Variants in ZFYVE9 observed in about 807,000 individuals in gnomAD.
The protein encoded by ZFYVE9 is zinc finger FYVE-type containing 9.
Under a neutral mutation model 126.7 loss-of-function variants are expected in ZFYVE9, and 43 were observed. The ratio of observed to expected loss-of-function variants is 0.34; its 90% CI spans 0.27 to 0.44. The LOEUF is 0.44. Among genes scored for constraint, ZFYVE9 ranks in the 20% least tolerant of loss-of-function variants. The pLI, the probability that ZFYVE9 is intolerant of heterozygous loss-of-function variation, is 1.00. For synonymous variants in ZFYVE9, 521 were observed against 597.4 expected (o/e 0.87, Z 1.87); for missense variants, 1,476 against 1,697.0 (o/e 0.87, Z 2.29).
intron 1 of ZFYVE9, among the ~76,000 whole-genome samples, chr1:52,189,278 C>T (rs1450836225): frequency 6.6e-6 from 1 of 150,992 alleles, no homozygotes; most frequent in Non-Finnish European, 1.5e-5. Flanking sequence ...ACTCTGTTAC[C>T]CAGGCTGGAG....
intron 13 of ZFYVE9, among the ~76,000 whole-genome samples, chr1:52,316,637 C>G (rs1394131416): frequency 6.6e-6 from 1 of 151,982 alleles, no homozygotes; most frequent in Non-Finnish European, 1.5e-5. Flanking sequence ...ATCAATTTAT[C>G]AAAATGATAC....
intron 2 of ZFYVE9, among the ~76,000 whole-genome samples, chr1:52,218,143 G>C (rs1319412367): frequency 6.6e-6 from 1 of 152,150 alleles, no homozygotes; most frequent in Non-Finnish European, 1.5e-5. Context: ...ATTTATTGGG[G>C]CTTCTTTTTT....
intron 1 of ZFYVE9, among the ~76,000 whole-genome samples, chr1:52,192,045 T>A (rs1048867816): frequency 1.4e-5 from 2 of 145,966 alleles, no homozygotes; most frequent in African/African-American, 5.0e-5. Flanking sequence ...TTTTTTTTTC[T>A]AGAACAAGCA....
chr1:52,329,746 A>T (rs1329778583), intron 13 of ZFYVE9, among the ~76,000 whole-genome samples: 1 of 152,102 alleles, frequency 6.6e-6, no homozygotes. Context: ...TCTACTAAAA[A>T]TACAAAAAAT....
At chr1:52,327,995 C>T (rs1390516339) in intron 13 of ZFYVE9, among the ~76,000 whole-genome samples, 2 of 151,396 alleles carry the variant, frequency 1.3e-5, no homozygotes, top group African/African-American at 4.9e-5. Context: ...AAAAAAAACC[C>T]AAAAAGAAAA....
At chr1:52,203,753 A>C (rs1644947695) in intron 1 of ZFYVE9, among the ~76,000 whole-genome samples, 1 of 151,350 alleles carries the variant, frequency 6.6e-6, no homozygotes, top group Non-Finnish European at 1.5e-5. Context: ...TATTATTATT[A>C]TTATTATTTC....
intron 4 of ZFYVE9, among the ~76,000 whole-genome samples, chr1:52,246,559 T>C (rs1645386294): frequency 6.7e-6 from 1 of 150,180 alleles, no homozygotes; most frequent in South Asian, 2.1e-4. Flanking sequence ...TGAGACAAAC[T>C]CTTGGTCTGT....
chr1:52,216,908 GA>G (rs1451506726), intron 2 of ZFYVE9, among the ~76,000 whole-genome samples: 5 of 152,048 alleles, frequency 3.3e-5, no homozygotes, highest in Non-Finnish European at 5.9e-5. Flanking sequence ...ATTTCCAGCA[GA>G]AAACTGGAAG....
chr1:52,214,475 A>G (rs1257337654), intron 1 of ZFYVE9, among the ~76,000 whole-genome samples: 1 of 152,088 alleles, frequency 6.6e-6, no homozygotes, highest in East Asian at 1.9e-4. Context: ...GAGACTAGCC[A>G]CTAGTGGTCT....
chr1:52,279,969 C>T (rs1645785975), intron 9 of ZFYVE9, among the ~76,000 whole-genome samples: 2 of 152,112 alleles, frequency 1.3e-5, no homozygotes, highest in South Asian at 4.1e-4. Context: ...GCTAATCACA[C>T]TCTTGTATGT....
At chr1:52,228,244 A>G (rs1572116338) in intron 2 of ZFYVE9, among the ~76,000 whole-genome samples, 1 of 152,082 alleles carries the variant, frequency 6.6e-6, no homozygotes, top group African/African-American at 2.4e-5. Flanking sequence ...ACACCCAGCG[A>G]ATTTTTAAAA....
chr1:52,324,127 A>G (rs181085051), intron 13 of ZFYVE9, among the ~76,000 whole-genome samples: 1 of 152,090 alleles, frequency 6.6e-6, no homozygotes, highest in East Asian at 1.9e-4. Flanking sequence ...GTACATAGCT[A>G]TAGTCTGTGT....
Position 52,180,046 on chromosome 1 carries a change from T to C in ZFYVE9, c.-142-36323T>C, listed in dbSNP as rs1572078750. ...TTTAATGAGGAGGATGAATGTGCTA[T>C]TGAAATGTACAGACAGCAGAGACTG... On this transcript the variant is annotated intron_variant, in intron 1 of 18. Transcript: ENST00000287727. 8.4e-6 allele frequency: 7 copies of C among 837,524 alleles called. No individual in the cohort carries two copies. The East Asian group carries it at 1.7e-4, about 20-fold the overall frequency. The allele number at this position is 837,524 out of a possible 1,614,324, so 51.9% of individuals were successfully genotyped here. A position where few individuals can be genotyped will look rare whatever the true frequency, so the allele number is the denominator to read the frequency against.
At chr1:52,173,679 A>C (rs977113122) in intron 1 of ZFYVE9, among the ~76,000 whole-genome samples, 23 of 152,006 alleles carry the variant, frequency 1.5e-4, no homozygotes, top group Admixed American at 3.3e-4. Flanking sequence ...ACAATTTCAG[A>C]TCCTGTTATT....
At chr1:52,342,954 T>C (rs1202394844) in intron 17 of ZFYVE9, among the ~76,000 whole-genome samples, 2 of 151,578 alleles carry the variant, frequency 1.3e-5, no homozygotes, top group Admixed American at 1.3e-4. Context: ...TCACCCAGGC[T>C]GGAGTGCAGT....
intron 1 of ZFYVE9, among the ~76,000 whole-genome samples, chr1:52,153,074 C>T (rs768277515): frequency 2.6e-5 from 4 of 152,222 alleles, no homozygotes; most frequent in Non-Finnish European, 5.9e-5. Context: ...CATGTTTAGT[C>T]ACTGGCTAGA....
At chr1:52,340,910 A>G (rs796701208) in intron 17 of ZFYVE9, among the ~76,000 whole-genome samples, 17 of 129,854 alleles carry the variant, frequency 1.3e-4, no homozygotes, top group African/African-American at 6.2e-4. Flanking sequence ...GTCTCAAAAA[A>G]AAAAAAAAAA....
intron 13 of ZFYVE9, among the ~76,000 whole-genome samples, chr1:52,316,573 C>T (rs1360174297): frequency 2.0e-5 from 3 of 151,478 alleles, no homozygotes; most frequent in Non-Finnish European, 4.4e-5. Context: ...TAGGTTATTT[C>T]AGAACATATA....
intron 7 of ZFYVE9, among the ~76,000 whole-genome samples, chr1:52,271,096 G>A (rs559007734): frequency 6.6e-5 from 10 of 152,320 alleles, no homozygotes; most frequent in African/African-American, 2.4e-4. Context: ...GGCTGAGGCA[G>A]GAGGGTGATG....
Sources: allele counts gnomAD v4.1 joint callset (sites outside exome capture counted in the v4.1 genomes callset), GRCh38; gene constraint gnomAD v4.1.1; transcripts MANE v1.5; gene names NCBI Gene and HGNC (gene_info 2026-07-23, HGNC 2026-07-21).